Variants in SUMF1 observed in about 807,000 individuals in gnomAD.
SUMF1 encodes sulfatase modifying factor 1, also known as formylglycine-generating enzyme.
A neutral mutation model predicts 47.6 loss-of-function variants in SUMF1; 48 were observed. The observed-to-expected ratio is 1.01, with a 90% confidence interval of 0.80 to 1.28. The LOEUF (loss-of-function observed/expected upper bound fraction) is 1.28. Ranked by LOEUF, SUMF1 falls within the 50% of genes most tolerant of loss-of-function variation. The pLI, the probability that SUMF1 is intolerant of heterozygous loss-of-function variation, is 0.00. For missense variants in SUMF1, 571 were observed against 485.4 expected, an observed-to-expected ratio of 1.18 and a Z score of -1.66; for synonymous variants, 230 against 192.1, an observed-to-expected ratio of 1.20 and a Z score of -1.63.
chr3:4,103,887 C>A (rs1693095536), intron 8 of SUMF1, among the ~76,000 whole-genome samples: 1 of 152,132 alleles, frequency 6.6e-6, no homozygotes, highest in Non-Finnish European at 1.5e-5. Context: ...CAGAAGCAGA[C>A]CCTCCAATTA....
intron 7 of SUMF1, among the ~76,000 whole-genome samples, chr3:4,396,689 C>T (rs1701048943): frequency 6.6e-6 from 1 of 152,154 alleles, no homozygotes; most frequent in Admixed American, 6.5e-5. Flanking sequence ...TGGTTTCTTG[C>T]TGAGGTGTGA....
chr3:4,124,725 T>A (rs1272248899), intron 8 of SUMF1, among the ~76,000 whole-genome samples: 1 of 152,106 alleles, frequency 6.6e-6, no homozygotes, highest in African/African-American at 2.4e-5. Flanking sequence ...AACAAAAATC[T>A]TGAGGTTCTG....
chr3:4,054,205 G>A (rs115777141), intron 9 of SUMF1, among the ~76,000 whole-genome samples: 2 of 152,066 alleles, frequency 1.3e-5, no homozygotes, highest in East Asian at 1.9e-4. Context: ...CCAATAGTGA[G>A]AAAAAGAACT....
intron 6 of SUMF1, among the ~76,000 whole-genome samples, chr3:4,413,107 C>T (rs536557616): frequency 1.3e-5 from 2 of 151,978 alleles, no homozygotes; most frequent in South Asian, 2.1e-4. Flanking sequence ...CAGGCTCAAG[C>T]GATCCTCTCA....
intron 8 of SUMF1, among the ~76,000 whole-genome samples, chr3:4,098,862 A>G (rs1692965826): frequency 1.3e-5 from 2 of 152,130 alleles, no homozygotes; most frequent in South Asian, 4.1e-4. Flanking sequence ...GGAAGCCACA[A>G]AGGAATTTCT....
At chr3:4,355,848 T>C (rs1237641763) in intron 8 of SUMF1, among the ~76,000 whole-genome samples, 3 of 152,204 alleles carry the variant, frequency 2.0e-5, no homozygotes, top group Non-Finnish European at 4.4e-5. Flanking sequence ...ACCAGCCTTC[T>C]CATAATGATG....
At chr3:4,457,020 A>C (rs1287610909) in intron 1 of SUMF1, among the ~76,000 whole-genome samples, 1 of 138,468 alleles carries the variant, frequency 7.2e-6, no homozygotes, top group African/African-American at 2.7e-5. Context: ...GTGTGTGTAC[A>C]TATATATACG....
chr3:4,307,488 T>C (rs1342772688), intron 8 of SUMF1, among the ~76,000 whole-genome samples: 1 of 152,194 alleles, frequency 6.6e-6, no homozygotes, highest in Non-Finnish European at 1.5e-5. Flanking sequence ...TTCATGCTAT[T>C]AACAGTAAAT....
chr3:4,118,923 G>C (rs959756087), intron 8 of SUMF1, among the ~76,000 whole-genome samples: 1 of 152,022 alleles, frequency 6.6e-6, no homozygotes, highest in Non-Finnish European at 1.5e-5. Context: ...TTTCCAATCT[G>C]TAAGTCAATA....
At chr3:4,310,105 A>G (rs1261211492) in intron 8 of SUMF1, among the ~76,000 whole-genome samples, 4 of 152,230 alleles carry the variant, frequency 2.6e-5, no homozygotes, top group Non-Finnish European at 5.9e-5. Flanking sequence ...GAAAACATAC[A>G]GCAAAAATAC....
intron 8 of SUMF1, among the ~76,000 whole-genome samples, chr3:4,137,345 C>T (rs1303668520): frequency 2.6e-5 from 4 of 151,944 alleles, no homozygotes; most frequent in African/African-American, 9.7e-5. Context: ...AGCTGGAAAC[C>T]ATCATTCTCA....
At chr3:4,218,846 T>G (rs994517700) in intron 8 of SUMF1, among the ~76,000 whole-genome samples, 3 of 152,192 alleles carry the variant, frequency 2.0e-5, no homozygotes, top group African/African-American at 7.2e-5. Flanking sequence ...TTACACAAGC[T>G]GTTTATTCTC....
intron 8 of SUMF1, among the ~76,000 whole-genome samples, chr3:4,326,521 G>GTTTTTTTTTTTT (rs1553556914): frequency 1.1e-5 from 1 of 90,528 alleles, no homozygotes; most frequent in African/African-American, 8.5e-5. Flanking sequence ...TTTTTCCAAG[G>GTTTTTTTTTTTT]GTTTTTTTTT....
chr3:4,225,753 G>A (rs1279771445), intron 8 of SUMF1, among the ~76,000 whole-genome samples: 1 of 152,078 alleles, frequency 6.6e-6, no homozygotes, highest in Non-Finnish European at 1.5e-5. Flanking sequence ...AAAAATCCCT[G>A]AAGTGCAAAT....
At chr3:4,271,876 G>T (rs762982428) in intron 8 of SUMF1, among the ~76,000 whole-genome samples, 1 of 151,944 alleles carries the variant, frequency 6.6e-6, no homozygotes, top group African/African-American at 2.4e-5. Context: ...GGAGTTCCTC[G>T]GAATTCTGCT....
intron 8 of SUMF1, among the ~76,000 whole-genome samples, chr3:4,084,685 A>G (rs1260115948): frequency 6.6e-6 from 1 of 152,146 alleles, no homozygotes; most frequent in Non-Finnish European, 1.5e-5. Context: ...TGAGTTTATT[A>G]GCAATATTAC....
intron 8 of SUMF1, among the ~76,000 whole-genome samples, chr3:4,208,542 A>C (rs1057303569): frequency 1.3e-5 from 2 of 152,078 alleles, no homozygotes; most frequent in African/African-American, 4.8e-5. Flanking sequence ...AAATGTTAAA[A>C]TTATCAGACT....
At chr3:4,054,783 A>G (rs1238382468) in intron 9 of SUMF1, among the ~76,000 whole-genome samples, 1 of 152,196 alleles carries the variant, frequency 6.6e-6, no homozygotes, top group African/African-American at 2.4e-5. Flanking sequence ...AACATCTTTT[A>G]ACAGATATTG....
intron 8 of SUMF1, among the ~76,000 whole-genome samples, chr3:4,281,967 G>T (rs1028926554): frequency 2.6e-5 from 4 of 152,166 alleles, no homozygotes; most frequent in Non-Finnish European, 5.9e-5. Flanking sequence ...AGACAAGCCA[G>T]AATGAAGAAG....
Sources: allele counts gnomAD v4.1 joint callset (sites outside exome capture counted in the v4.1 genomes callset), GRCh38; gene constraint gnomAD v4.1.1; transcripts MANE v1.5; gene names NCBI Gene and HGNC (gene_info 2026-07-23, HGNC 2026-07-21).